SLC15A2: variants seen among roughly 807,000 people sequenced by gnomAD.
SLC15A2 encodes solute carrier family 15 member 2, also known as kidney H(+)/peptide cotransporter.
Under a neutral mutation model 95.5 loss-of-function variants are expected in SLC15A2, and 77 were observed. That is an observed-to-expected ratio of 0.81 (90% CI 0.67 to 0.97). The LOEUF is 0.97. Ranked by LOEUF, SLC15A2 falls within the 50% of genes least tolerant of loss-of-function variation. SLC15A2 has a pLI of 0.00. For synonymous variants in SLC15A2, 306 were observed against 306.9 expected (o/e 1.00, Z 0.03); for missense variants, 893 against 874.4 (o/e 1.02, Z -0.27).
chr3:121,924,833 G>T, intron 12 of SLC15A2, 112 bp from the exon 13 acceptor site: 1 of 797,268 alleles, frequency 1.3e-6, no homozygotes, highest in Non-Finnish European at 2.2e-6. Flanking sequence ...TACTTACAAT[G>T]ACAAAAGTGT....
At position 121,919,326 on chromosome 3, in the gene SLC15A2, C is replaced by T. The variant is rs530007378; in HGVS notation, c.698-2894C>T. Among the ~76,000 whole-genome samples, 6 of 152,236 alleles carry T rather than the reference C, an allele frequency of 3.9e-5. No homozygotes were observed. In the South Asian group the frequency reaches 1.2e-3, roughly 32 times the overall value. On this transcript the variant is annotated intron_variant, in intron 7 of 21. Coordinates refer to ENST00000489711, the MANE Select transcript of SLC15A2 (RefSeq NM_021082.4). Reference sequence around the variant, plus strand: ...GCTCAGCAAGTTCCGGGTTCTTGTCCCATGATGAAGAGGAATGGGGTGTGT... The same window carrying T: ...GCTCAGCAAGTTCCGGGTTCTTGTCTCATGATGAAGAGGAATGGGGTGTGT...
At chr3:121,919,460 G>A (rs1179903268) in intron 7 of SLC15A2, among the ~76,000 whole-genome samples, 1 of 152,182 alleles carries the variant, frequency 6.6e-6, no homozygotes, top group Non-Finnish European at 1.5e-5. Flanking sequence ...GAGGCTTAGT[G>A]TGGGTTTTTT....
intron 19 of SLC15A2, among the ~76,000 whole-genome samples, chr3:121,937,329 A>G (rs1434748093): frequency 4.4e-5 from 4 of 91,760 alleles, no homozygotes; most frequent in Non-Finnish European, 8.7e-5. Flanking sequence ...TAGATTGGGG[A>G]AGTTCTCCTG....
intron 6 of SLC15A2, 56 bp from the exon 7 acceptor site, chr3:121,915,560 A>G (rs2107587842): frequency 7.4e-7 from 1 of 1,343,690 alleles, no homozygotes; most frequent in Admixed American, 1.7e-5. Flanking sequence ...GTAGAATAAA[A>G]CATCAAATAT....
Position 121,906,848 on chromosome 3 carries a change from C to T in SLC15A2, c.336-4726C>T, listed in dbSNP as rs150248616. Among the ~76,000 whole-genome samples, 885 of 152,246 alleles carry T rather than the reference C, an allele frequency of 5.8e-3. 17 individuals are homozygous for T. The highest frequency in any genetic ancestry group is 0.02 in the African/African-American group (850 of 41,540). ...GACAATTATGTGTCTTGGGGTTGCC[C>T]TTCTCGAGGAGTATCTTTGTGGTGT... On this transcript the variant is annotated intron_variant, in intron 3 of 21. Coordinates refer to ENST00000489711, the MANE Select transcript of SLC15A2 (RefSeq NM_021082.4).
chr3:121,922,987 A>G, intron 9 of SLC15A2, 53 bp from the exon 10 acceptor site: 2 of 1,587,054 alleles, frequency 1.3e-6, no homozygotes, highest in Non-Finnish European at 1.7e-6. Context: ...TTAAGCAAGA[A>G]AGCCATGTAC....
At position 121,939,529 on chromosome 3, in the gene SLC15A2, G is replaced by A. The variant is rs1920315; in HGVS notation, c.1908+34G>A. 5.3e-3 allele frequency: 7,719 copies of A among 1,465,040 alleles called. 304 individuals are homozygous for A. In the African/African-American group the frequency reaches 0.095, roughly 18 times the overall value. 90.8% of individuals were successfully genotyped at this position (1,465,040 alleles called of 1,614,324 possible). On this transcript the variant is annotated intron_variant, in intron 20 of 21. Coordinates refer to ENST00000489711, the MANE Select transcript of SLC15A2 (RefSeq NM_021082.4). The stretch of plus-strand genomic sequence containing the variant: ...TTGCAAATAGAAGGTAGAAATTGAG[G>A]CATTGCTTGAAGGACAATGAATTTT...
At chr3:121,906,947 T>C (rs1457640142) in intron 3 of SLC15A2, among the ~76,000 whole-genome samples, 1 of 152,346 alleles carries the variant, frequency 6.6e-6, no homozygotes, top group Non-Finnish European at 1.5e-5. Flanking sequence ...AAGAGTGTTT[T>C]CCAACTTGGT....
chr3:121,920,276 G>C (rs532410933), intron 7 of SLC15A2, among the ~76,000 whole-genome samples: 18 of 152,110 alleles, frequency 1.2e-4, no homozygotes, highest in Admixed American at 2.6e-4. Context: ...CCTTTGTCCA[G>C]GTATCTCTTT....
At chr3:121,908,614 C>A (rs1709702878) in intron 3 of SLC15A2, among the ~76,000 whole-genome samples, 1 of 152,056 alleles carries the variant, frequency 6.6e-6, no homozygotes, top group Non-Finnish European at 1.5e-5. Context: ...TTTGTCTGAT[C>A]AGAACTGACC....
rs1282383433 is a variant in SLC15A2 at position 121,915,253 on chromosome 3, A to G, written c.555A>G (p.Ser185=). The G allele has an allele frequency of 1.2e-6, 2 of 1,613,528 alleles. No homozygotes were observed. The highest frequency in any genetic ancestry group is 1.7e-6 in the Non-Finnish European group (2 of 1,179,598). ...CAGAGGAACGGACTAGATACTTCTC[A>G]GTCTTCTACCTGTCCATCAATGCAG... The part of the protein sequence containing the change: ...KHAEERTRYF[S]VFYLSINAGS... The change falls in exon 6 of 22, where the codon TCA becomes TCG. Residue 185 remains serine (S), a synonymous_variant. Coordinates refer to ENST00000489711, the MANE Select transcript of SLC15A2 (RefSeq NM_021082.4).
At chr3:121,915,006 G>A (rs1406924719) in intron 5 of SLC15A2, 4 of 1,312,390 alleles carry the variant, frequency 3.0e-6, no homozygotes, top group Non-Finnish European at 3.9e-6. Flanking sequence ...GAAAAGGGAG[G>A]AAAAGAATGC....
At chr3:121,919,029 A>G (rs1709951983) in intron 7 of SLC15A2, among the ~76,000 whole-genome samples, 1 of 152,136 alleles carries the variant, frequency 6.6e-6, no homozygotes, top group African/African-American at 2.4e-5. Context: ...CGGCATCTAG[A>G]CAAGGGGAAC....
At chr3:121,907,237 G>T (rs548777836) in intron 3 of SLC15A2, among the ~76,000 whole-genome samples, 2 of 152,256 alleles carry the variant, frequency 1.3e-5, no homozygotes, top group African/African-American at 4.8e-5. Context: ...GTTTATTCTA[G>T]TTAGCCATTC....
chr3:121,912,256 C>T (rs1709781804), intron 4 of SLC15A2, among the ~76,000 whole-genome samples: 1 of 152,120 alleles, frequency 6.6e-6, no homozygotes, highest in African/African-American at 2.4e-5. Context: ...TGTTTTTAGA[C>T]AGAGTCTTGC....
intron 19 of SLC15A2, among the ~76,000 whole-genome samples, chr3:121,933,436 T>G (rs1433051427): frequency 1.3e-5 from 2 of 151,396 alleles, no homozygotes; most frequent in African/African-American, 2.4e-5. Context: ...GTTTCCTGAC[T>G]TTTTAATGAT....
At chr3:121,930,707 T>C in intron 17 of SLC15A2, 133 bp from the exon 18 acceptor site, 1 of 595,292 alleles carries the variant, frequency 1.7e-6, no homozygotes, top group Admixed American at 3.0e-5. Context: ...ATTAGGTACC[T>C]TTTATGTGCC....
chr3:121,938,755 C>A (rs547611479), intron 19 of SLC15A2, among the ~76,000 whole-genome samples: 1 of 152,220 alleles, frequency 6.6e-6, no homozygotes, highest in African/African-American at 2.4e-5. Context: ...AACTGTAGAC[C>A]GGAGCTGTTC....
intron 19 of SLC15A2, 39 bp from the exon 20 acceptor site, chr3:121,939,310 A>T: frequency 7.1e-7 from 1 of 1,417,596 alleles, no homozygotes; most frequent in Non-Finnish European, 9.3e-7. Flanking sequence ...TTTACTTGAG[A>T]CTACTGACAA....
Sources: gnomAD v4.1 joint callset for allele counts (sites outside exome capture counted in the v4.1 genomes callset) on GRCh38, gnomAD v4.1.1 for gene constraint, MANE v1.5 for transcripts, NCBI Gene and HGNC (gene_info 2026-07-23, HGNC 2026-07-21) for gene names.